The following FAT1 variants were observed in gnomAD, a reference collection of about 807,000 sequenced individuals.
The protein encoded by FAT1 is FAT atypical cadherin 1.
FAT1 carries 171 observed loss-of-function variants against 329.8 expected under a neutral mutation model. That is an observed-to-expected ratio of 0.52 (90% CI 0.46 to 0.59). FAT1 has a LOEUF of 0.59. Among genes scored for constraint, FAT1 ranks in the 20% least tolerant of loss-of-function variants. FAT1 has a pLI of 0.00. For missense variants in FAT1, 5,672 were observed against 5,774.4 expected, an observed-to-expected ratio of 0.98 and a Z score of 0.57; for synonymous variants, 2,233 against 2,228.6, an observed-to-expected ratio of 1.00 and a Z score of -0.06.
At chr4:186,615,366 T>C (rs1425078799) in intron 11 of FAT1, among the ~76,000 whole-genome samples, 1 of 152,106 alleles carries the variant, frequency 6.6e-6, no homozygotes, top group Non-Finnish European at 1.5e-5. Flanking sequence ...AACAGCCCTA[T>C]CACTTTCCAC....
intron 3 of FAT1, among the ~76,000 whole-genome samples, chr4:186,650,439 C>T (rs1227996471): frequency 7.0e-6 from 1 of 143,276 alleles, no homozygotes; most frequent in Non-Finnish European, 1.6e-5. Flanking sequence ...GCTGTTTCAA[C>T]TAAGGACCAA....
rs375260868 is a variant in FAT1 at position 186,621,623 on chromosome 4, T to C, written c.4963A>G (p.Ile1655Val). The C allele has an allele frequency of 1.2e-6, 2 of 1,614,050 alleles. No individual in the cohort carries two copies. The highest frequency in any genetic ancestry group is 1.7e-6 in the Non-Finnish European group (2 of 1,179,896). The change falls in exon 10 of 27, where the codon ATC becomes GTC. Residue 1655 changes from isoleucine (I) to valine (V), a missense_variant. Transcript: ENST00000441802. ...PPMSEITSVR[I>V]FVTIADNASP... is the part of the protein sequence containing the mutation. ...GCGTTGTCAGCAATTGTGACAAAGA[T>C]ACGCACAGAAGTTATTTCACTCATT...
intron 2 of FAT1, among the ~76,000 whole-genome samples, chr4:186,672,790 T>G (rs201165430): frequency 6.6e-6 from 1 of 152,296 alleles, no homozygotes; most frequent in East Asian, 1.9e-4. Flanking sequence ...GCTAAATGTT[T>G]GGAGTCCCTG....
rs1294508999 is a variant in FAT1, at chr4:186,709,728, A to G, written c.100T>C (p.Phe34Leu). The G allele has an allele frequency of 1.9e-6, 3 of 1,613,928 alleles. No homozygotes were observed. Among genetic ancestry groups the G allele is most frequent in the East Asian group, 4.5e-5 (2 of 44,882 alleles). ...GTGACGTTGTACTCGAGGTGTGTAA[A>G]CTGCAGAGGAGTCTGTTCAAGTCGT... ...SQRLEQTPLQ[F>L]THLEYNVTVQ... is the part of the protein sequence containing the mutation. Residue 34 changes from phenylalanine (F) to leucine (L), a missense_variant, in exon 2 of 27, where the codon TTT becomes CTT. Phe to Leu is a conservative substitution (Grantham distance 22). Around this residue, in one of 2 missense-constraint regions of FAT1, gnomAD observed 3,966 missense variants for 3,915.2 expected, o/e 1.01. Transcript: ENST00000441802.
intron 2 of FAT1, among the ~76,000 whole-genome samples, chr4:186,689,720 C>G (rs1342945662): frequency 1.3e-5 from 2 of 152,326 alleles, no homozygotes; most frequent in Middle Eastern, 3.4e-3. Flanking sequence ...CCACCCACAC[C>G]AGGCTAATTC....
rs562015661 is a variant in FAT1 at position 186,608,940 on chromosome 4, G to A, written c.10206+243C>T. 7.2e-5 allele frequency among the ~76,000 whole-genome samples: 11 copies of A among 152,294 alleles called. No individual in the cohort carries two copies. The South Asian group carries it at 2.3e-3, about 32-fold the overall frequency. The stretch of plus-strand genomic sequence containing the variant: ...GCTTTAGGAAGTGTCTCAGAACACT[G>A]GAACCAACAGTAATTCCTTCCTGAA... On this transcript the variant is annotated intron_variant, in intron 16 of 26. Coordinates refer to ENST00000441802, the MANE Select transcript of FAT1 (RefSeq NM_005245.4).
At chr4:186,637,851 C>T (rs1045330968) in intron 4 of FAT1, among the ~76,000 whole-genome samples, 1 of 152,138 alleles carries the variant, frequency 6.6e-6, no homozygotes, top group Admixed American at 6.5e-5. Flanking sequence ...GACTATATCC[C>T]GATGGTGCCT....
At chr4:186,590,620 T>G (rs114172566) in intron 26 of FAT1, 3 of 457,052 alleles carry the variant, frequency 6.6e-6, no homozygotes, top group Non-Finnish European at 1.3e-5. Flanking sequence ...GGAAAGTGAC[T>G]GCGGAATGAG....
rs1190294227 is a variant in FAT1, at chr4:186,659,878, ACCC to A, written c.3580+3418_3580+3420del. 1.2e-3 allele frequency among the ~76,000 whole-genome samples: 176 copies of A among 142,550 alleles called. 2 individuals carry two copies. The highest frequency in any genetic ancestry group is 4.1e-3 in the Middle Eastern group (1 of 246). 93.5% of individuals were successfully genotyped at this position (142,550 alleles called of 152,430 possible). A position where few individuals can be genotyped will look rare whatever the true frequency, so the allele number is the denominator to read the frequency against. ...GGCTGTGGCACCTGTCCCCTGAACG[ACCC>A]TGGGTGCTCCTGCACTCTACACACA... On this transcript the variant is annotated intron_variant, in intron 3 of 26. Transcript: ENST00000441802.
intron 16 of FAT1, 94 bp from the exon 17 acceptor site, chr4:186,606,307 C>CACTGGGACCTG: frequency 7.3e-7 from 1 of 1,372,830 alleles, no homozygotes; most frequent in Non-Finnish European, 1.0e-6. Flanking sequence ...ACGGGCAGGT[C>CACTGGGACCTG]CCAGTGAGCT....
chr4:186,636,540 T>C (rs766145050), intron 5 of FAT1, 45 bp downstream of exon 5: 8 of 1,506,212 alleles, frequency 5.3e-6, no homozygotes, highest in Admixed American at 4.3e-5. Context: ...ATAAGGTTTA[T>C]AGTCACAACA....
chr4:186,597,389 G>T, intron 24 of FAT1: 1 of 595,532 alleles, frequency 1.7e-6, no homozygotes, highest in South Asian at 2.4e-5. Flanking sequence ...ATGTATATTT[G>T]GGAAGGAAAC....
intron 13 of FAT1, among the ~76,000 whole-genome samples, chr4:186,612,205 TA>T (rs1310582978): frequency 2.6e-5 from 4 of 152,030 alleles, no homozygotes; most frequent in Non-Finnish European, 5.9e-5. Context: ...CTATGACCTT[TA>T]AAAGGTAAAC....
At chr4:186,625,142 T>C (rs1460280858) in intron 9 of FAT1, among the ~76,000 whole-genome samples, 2 of 152,234 alleles carry the variant, frequency 1.3e-5, no homozygotes, top group African/African-American at 4.8e-5. Flanking sequence ...CACCCAGTTG[T>C]TGACAATTAT....
chr4:186,591,318 G>C (rs1738229369), intron 26 of FAT1, among the ~76,000 whole-genome samples: 2 of 152,176 alleles, frequency 1.3e-5, no homozygotes, highest in Admixed American at 6.5e-5. Context: ...TATAATTTGG[G>C]ACAAATATTT....
rs2126527375 is a variant in FAT1 at position 186,621,659 on chromosome 4, C to A, written c.4927G>T (p.Gly1643Cys). ...YDLMVKATDK[G>C]SPPMSEITSV... ...GTTATTTCACTCATTGGTGGACTGCCCTTATCTGTAGCTTTTACCATTAAA... is the reference window on the plus strand; with the variant it reads ...GTTATTTCACTCATTGGTGGACTGCACTTATCTGTAGCTTTTACCATTAAA... The change falls in exon 10 of 27, where the codon GGC (glycine) becomes TGC (cysteine). Residue 1643 changes from glycine to cysteine, a missense_variant. By Grantham distance (159) the Gly-to-Cys change is radical (BLOSUM62 -3). This residue lies in a region of FAT1 where 3,966 missense variants were observed against 3,915.2 expected (regional missense o/e 1.01). Transcript: ENST00000441802. The A allele has an allele frequency of 6.2e-7, 1 of 1,613,946 alleles. No homozygotes were observed. Among genetic ancestry groups the A allele is most frequent in the Non-Finnish European group, 8.5e-7 (1 of 1,179,884 alleles).
At chr4:186,654,926 A>C (rs966142224) in intron 3 of FAT1, among the ~76,000 whole-genome samples, 1 of 151,734 alleles carries the variant, frequency 6.6e-6, no homozygotes, top group Non-Finnish European at 1.5e-5. Flanking sequence ...AAAAAAAAAA[A>C]CAAAAAAAAC....
At chr4:186,605,418 AGGGAGGAGGTTGG>A (rs1739071453) in intron 17 of FAT1, among the ~76,000 whole-genome samples, 1 of 103,998 alleles carries the variant, frequency 9.6e-6, no homozygotes, top group South Asian at 4.3e-4. Context: ...GAAGTGGAGT[AGGGAGGAGGTTGG>A]GGGAGGAGGT....
At chr4:186,673,040 G>A (rs927641650) in intron 2 of FAT1, among the ~76,000 whole-genome samples, 1 of 152,114 alleles carries the variant, frequency 6.6e-6, no homozygotes, top group African/African-American at 2.4e-5. Context: ...TTACACAGAA[G>A]AATGTCAGTG....
Sources: gnomAD v4.1 joint callset for allele counts (sites outside exome capture counted in the v4.1 genomes callset) on GRCh38, gnomAD v4.1.1 for gene constraint, gnomAD v4.1.1 regional missense constraint, MANE v1.5 for transcripts, NCBI Gene and HGNC (gene_info 2026-07-23, HGNC 2026-07-21) for gene names.